ADGRB3: variants seen among roughly 807,000 people sequenced by gnomAD.
ADGRB3 encodes brain-specific angiogenesis inhibitor 3.
ADGRB3 carries 37 observed loss-of-function variants against 193.4 expected under a neutral mutation model. That is an observed-to-expected ratio of 0.19 (90% CI 0.15 to 0.25). The LOEUF (loss-of-function observed/expected upper bound fraction) is 0.25. ADGRB3 is among the 10% of genes least tolerant of loss of function. The pLI, the probability that ADGRB3 is intolerant of heterozygous loss-of-function variation, is 1.00. For synonymous variants in ADGRB3, 690 were observed against 644.2 expected, an observed-to-expected ratio of 1.07 and a Z score of -1.08; for missense variants, 1,637 against 1,852.9, an observed-to-expected ratio of 0.88 and a Z score of 2.14.
At chr6:68,727,983 A>T (rs1020640950) in intron 3 of ADGRB3, among the ~76,000 whole-genome samples, 1 of 151,580 alleles carries the variant, frequency 6.6e-6, no homozygotes, top group African/African-American at 2.4e-5. Flanking sequence ...TTTATTTCTC[A>T]GGAGCTTAAT....
At chr6:68,971,005 C>G (rs777075702) in intron 8 of ADGRB3, among the ~76,000 whole-genome samples, 1 of 152,176 alleles carries the variant, frequency 6.6e-6, no homozygotes, top group Non-Finnish European at 1.5e-5. Flanking sequence ...GAAGTGTGAG[C>G]AGCTTCACCT....
At chr6:69,148,220 C>T (rs942233167) in intron 17 of ADGRB3, among the ~76,000 whole-genome samples, 1 of 152,034 alleles carries the variant, frequency 6.6e-6, no homozygotes, top group African/African-American at 2.4e-5. Context: ...TTCCTTCCTT[C>T]CTGTCTTCCT....
At chr6:69,012,450 A>G (rs887871362) in intron 11 of ADGRB3, among the ~76,000 whole-genome samples, 5 of 152,024 alleles carry the variant, frequency 3.3e-5, no homozygotes, top group African/African-American at 1.2e-4. Context: ...AGGCAATTGG[A>G]GAACTCTGAA....
At chr6:68,831,924 C>T (rs1383144329) in intron 3 of ADGRB3, among the ~76,000 whole-genome samples, 4 of 152,124 alleles carry the variant, frequency 2.6e-5, no homozygotes, top group African/African-American at 7.2e-5. Context: ...TTGACTCACA[C>T]GACAATGATC....
At chr6:69,334,779 G>T (rs1294354080) in intron 24 of ADGRB3, among the ~76,000 whole-genome samples, 1 of 152,126 alleles carries the variant, frequency 6.6e-6, no homozygotes, top group African/African-American at 2.4e-5. Context: ...AATAAAATGG[G>T]ACTCTTTAGT....
At chr6:68,758,296 G>A (rs764717190) in intron 3 of ADGRB3, among the ~76,000 whole-genome samples, 3 of 151,998 alleles carry the variant, frequency 2.0e-5, no homozygotes, top group East Asian at 1.9e-4. Flanking sequence ...TCATCCCATC[G>A]TCATGGCCAT....
chr6:69,059,335 T>C (rs1771647112), intron 15 of ADGRB3, among the ~76,000 whole-genome samples: 1 of 152,118 alleles, frequency 6.6e-6, no homozygotes, highest in Non-Finnish European at 1.5e-5. Context: ...TTACTTTCAG[T>C]CTATGGATGC....
chr6:69,217,555 C>T (rs575196766), intron 17 of ADGRB3, among the ~76,000 whole-genome samples: 1 of 152,216 alleles, frequency 6.6e-6, no homozygotes, highest in East Asian at 1.9e-4. Context: ...AGCAAGAATG[C>T]AGTGCTCTGT....
At chr6:68,753,248 A>G (rs185945304) in intron 3 of ADGRB3, among the ~76,000 whole-genome samples, 18 of 152,332 alleles carry the variant, frequency 1.2e-4, no homozygotes, top group Admixed American at 1.1e-3. Flanking sequence ...TTGGGCATCT[A>G]TTCTCCATAG....
intron 3 of ADGRB3, among the ~76,000 whole-genome samples, chr6:68,864,517 G>A (rs1285472345): frequency 8.6e-6 from 1 of 116,174 alleles, no homozygotes; most frequent in African/African-American, 2.6e-5. Context: ...GACATTCTTG[G>A]ATAGGAAGAG....
chr6:68,975,388 A>G, intron 10 of ADGRB3, 48 bp downstream of exon 10: 2 of 1,423,178 alleles, frequency 1.4e-6, no homozygotes, highest in South Asian at 1.2e-5. Flanking sequence ...TTTTTTGCTA[A>G]TGATCACTGT....
intron 3 of ADGRB3, among the ~76,000 whole-genome samples, chr6:68,867,280 G>A (rs1482990420): frequency 6.6e-6 from 1 of 152,192 alleles, no homozygotes; most frequent in Non-Finnish European, 1.5e-5. Flanking sequence ...GCTAAAAGGG[G>A]GAAGGTACAG....
intron 10 of ADGRB3, among the ~76,000 whole-genome samples, chr6:68,977,115 CTT>C (rs890593506): frequency 8.7e-5 from 13 of 149,068 alleles, no homozygotes; most frequent in African/African-American, 2.0e-4. Flanking sequence ...TTTTTATAGT[CTT>C]TTTTTGTTTC....
chr6:68,866,786 G>A (rs1386060634), intron 3 of ADGRB3, among the ~76,000 whole-genome samples: 2 of 152,180 alleles, frequency 1.3e-5, no homozygotes, highest in African/African-American at 4.8e-5. Flanking sequence ...AAAAAGATTG[G>A]CAGCGTTGTC....
At chr6:68,715,981 T>A (rs987228220) in intron 3 of ADGRB3, among the ~76,000 whole-genome samples, 15 of 151,688 alleles carry the variant, frequency 9.9e-5, no homozygotes, top group African/African-American at 3.4e-4. Flanking sequence ...AGATTTAACC[T>A]GTCTAAACGT....
At chr6:68,636,273 A>C (rs888084194) in intron 1 of ADGRB3, among the ~76,000 whole-genome samples, 1 of 151,884 alleles carries the variant, frequency 6.6e-6, no homozygotes, top group Non-Finnish European at 1.5e-5. Flanking sequence ...TAATTTTATG[A>C]GGGGAAAATT....
intron 3 of ADGRB3, among the ~76,000 whole-genome samples, chr6:68,687,608 T>A (rs1402493881): frequency 6.6e-6 from 1 of 152,166 alleles, no homozygotes; most frequent in African/African-American, 2.4e-5. Context: ...TTACATGAAT[T>A]AAGCACATAA....
At chr6:68,712,886 T>G (rs1212987695) in intron 3 of ADGRB3, among the ~76,000 whole-genome samples, 1 of 151,862 alleles carries the variant, frequency 6.6e-6, no homozygotes, top group Non-Finnish European at 1.5e-5. Context: ...TATTAGATAC[T>G]GATAATTTTA....
chr6:69,282,170 T>A (rs1767450237), intron 20 of ADGRB3, among the ~76,000 whole-genome samples: 1 of 152,158 alleles, frequency 6.6e-6, no homozygotes, highest in South Asian at 2.1e-4. Context: ...CAAATGAGAA[T>A]CATTTGGCAA....
Sources: allele counts gnomAD v4.1 joint callset (sites outside exome capture counted in the v4.1 genomes callset), GRCh38; gene constraint gnomAD v4.1.1; transcripts MANE v1.5; gene names NCBI Gene and HGNC (gene_info 2026-07-23, HGNC 2026-07-21).